C11orf97: variants seen among roughly 807,000 people sequenced by gnomAD.
The protein encoded by C11orf97 is uncharacterized protein C11orf97.
In C11orf97, 15 loss-of-function variants were observed where a neutral mutation model predicts 16.2. That is an observed-to-expected ratio of 0.93 (90% confidence interval 0.62 to 1.43). The LOEUF is 1.43. C11orf97 is among the 40% of genes most tolerant of loss of function. The pLI is 0.00. For missense variants in C11orf97, 171 were observed against 161.2 expected (o/e 1.06, Z -0.33); for synonymous variants, 61 against 65.7 (o/e 0.93, Z 0.34).
Position 94,512,631 on chromosome 11 carries a change from C to T in C11orf97, c.103C>T (p.Arg35Cys), listed in dbSNP as rs1173930164. ...GCCAGCAGGGCTGGGGTGCGGGGCG[C>T]GCGGGGAACCCGGCCGCGGCCCCCT... ...PPPAGLGCGA[R>C]GEPGRGPLEH... Residue 35 changes from arginine to cysteine, a missense_variant, in exon 1 of 4, where the codon CGC (arginine) becomes TGC (cysteine). Physicochemically the swap from Arg to Cys is radical, Grantham distance 180. Coordinates refer to ENST00000542198, the MANE Select transcript of C11orf97 (RefSeq NM_001190462.2). The T allele has an allele frequency of 8.0e-7, 1 of 1,255,162 alleles. No individual in the cohort carries two copies. The highest frequency in any genetic ancestry group is 1.0e-6 in the Non-Finnish European group (1 of 999,036). 77.8% of individuals were successfully genotyped at this position (1,255,162 alleles called of 1,614,324 possible).
chr11:94,521,017 T>C (rs1947653539), intron 2 of C11orf97, among the ~76,000 whole-genome samples: 1 of 152,190 alleles, frequency 6.6e-6, no homozygotes. Context: ...TTCTTGACAT[T>C]CTGGAATGTG....
chr11:94,524,219 AT>A (rs1441925082), intron 2 of C11orf97, among the ~76,000 whole-genome samples: 4 of 152,138 alleles, frequency 2.6e-5, no homozygotes, highest in African/African-American at 9.7e-5. Context: ...TGCTCTTTTA[AT>A]TCACATTTTG....
rs12276944 is a variant in C11orf97, at chr11:94,517,137, G to A, written c.146-446G>A. ...TTCAGTTTCAATCTTTTAAAATGTC[G>A]ATTTTAAAATGCTGAGATTTTGTTC... On this transcript the variant is annotated intron_variant, in intron 1 of 3. Coordinates refer to ENST00000542198, the MANE Select transcript of C11orf97 (RefSeq NM_001190462.2). Among the ~76,000 whole-genome samples the A allele has an allele frequency of 9.6e-3, 1,467 of 152,238 alleles. 24 individuals are homozygous for A. Among genetic ancestry groups the A allele is most frequent in the African/African-American group, 0.032 (1,349 of 41,514 alleles).
chr11:94,518,401 A>T (rs1947630976), intron 2 of C11orf97, among the ~76,000 whole-genome samples: 1 of 114,180 alleles, frequency 8.8e-6, no homozygotes, highest in Non-Finnish European at 1.9e-5. Context: ...TTGGCACAGT[A>T]TGTCTGCAGT....
At chr11:94,518,104 C>T (rs180999135) in intron 2 of C11orf97, among the ~76,000 whole-genome samples, 32 of 143,874 alleles carry the variant, frequency 2.2e-4, no homozygotes, top group South Asian at 4.3e-4. Flanking sequence ...GCCAAGATCG[C>T]GCCACTGTAC....
intron 2 of C11orf97, 58 bp downstream of exon 2, chr11:94,517,745 A>G (rs1396817403): frequency 2.6e-6 from 3 of 1,135,456 alleles, no homozygotes; most frequent in Non-Finnish European, 2.4e-6. Flanking sequence ...TGCCTACTTG[A>G]TGACAGAGTA....
chr11:94,525,110 G>C (rs978141838), intron 2 of C11orf97, among the ~76,000 whole-genome samples: 1 of 151,592 alleles, frequency 6.6e-6, no homozygotes, highest in Non-Finnish European at 1.5e-5. Flanking sequence ...GTAGGCTTAT[G>C]AGACATTCAT....
At chr11:94,517,023 C>T (rs1417610799) in intron 1 of C11orf97, among the ~76,000 whole-genome samples, 8 of 152,218 alleles carry the variant, frequency 5.3e-5, no homozygotes, top group Admixed American at 5.2e-4. Flanking sequence ...ACAAACAATT[C>T]AGTCCTTGAC....
At chr11:94,529,754 T>C (rs974338784) in intron 3 of C11orf97, among the ~76,000 whole-genome samples, 8 of 152,204 alleles carry the variant, frequency 5.3e-5, no homozygotes, top group Admixed American at 1.3e-4. Context: ...AGTTGTTGTG[T>C]TGCGGTTAAA....
intron 2 of C11orf97, among the ~76,000 whole-genome samples, chr11:94,520,050 G>T (rs879711165): frequency 3.9e-5 from 6 of 152,180 alleles, no homozygotes; most frequent in Non-Finnish European, 8.8e-5. Context: ...TCCTATAGCT[G>T]CTATTTTTAA....
At chr11:94,519,247 G>A (rs1396502708) in intron 2 of C11orf97, among the ~76,000 whole-genome samples, 1 of 151,972 alleles carries the variant, frequency 6.6e-6, no homozygotes, top group Non-Finnish European at 1.5e-5. Context: ...AACTCCTTTG[G>A]GTCTTCTCGT....
intron 1 of C11orf97, among the ~76,000 whole-genome samples, chr11:94,513,011 G>GTGTA (rs1947582262): frequency 2.6e-5 from 4 of 152,090 alleles, no homozygotes; most frequent in African/African-American, 4.8e-5. Context: ...ATATGTATAT[G>GTGTA]TGTATGTATG....
chr11:94,531,902 A>G lies in C11orf97; in HGVS notation c.*2A>G. On this transcript the variant is annotated 3_prime_UTR_variant, in exon 4 of 4. Coordinates refer to ENST00000542198, the MANE Select transcript of C11orf97 (RefSeq NM_001190462.2). ...CTTTTTTTTTTAACTCTAGGATAAG[A>G]TGAATTAGATTTTCCATTAAGAAGG... 6.8e-7 allele frequency: 1 copy of G among 1,468,548 alleles called. No homozygotes were observed. The highest frequency in any genetic ancestry group is 9.0e-7 in the Non-Finnish European group (1 of 1,112,586). 91.0% of individuals were successfully genotyped at this position (1,468,548 alleles called of 1,614,324 possible). A position where few individuals can be genotyped will look rare whatever the true frequency, so the allele number is the denominator to read the frequency against.
In C11orf97 at chr11:94,517,688, G is replaced by A; in HGVS notation, c.250+1G>A. ...TGCCACATTAAAAATCCAGCTGCAG[G>A]TAATCTCAGTGACAAATGAAGTATG... is the stretch of plus-strand genomic sequence containing the variant. On this transcript the variant is annotated splice_donor_variant, in intron 2 of 3. Coordinates refer to ENST00000542198, the MANE Select transcript of C11orf97 (RefSeq NM_001190462.2). LOFTEE classifies it high-confidence loss of function. 6.6e-7 allele frequency: 1 copy of A among 1,508,572 alleles called. No homozygotes were observed. The highest frequency in any genetic ancestry group is 2.5e-5 in the East Asian group (1 of 40,320). 93.4% of individuals were successfully genotyped at this position (1,508,572 alleles called of 1,614,324 possible). A position where few individuals can be genotyped will look rare whatever the true frequency, so the allele number is the denominator to read the frequency against.
intron 1 of C11orf97, 69 bp downstream of exon 1, chr11:94,512,742 G>C (rs1470305598): frequency 2.4e-6 from 3 of 1,230,408 alleles, no homozygotes; most frequent in East Asian, 6.3e-5. Context: ...AGGGCAATTG[G>C]GGGAAACCGC....
intron 2 of C11orf97, 25 bp downstream of exon 2, chr11:94,517,712 T>A: frequency 7.0e-7 from 1 of 1,420,528 alleles, no homozygotes; most frequent in Non-Finnish European, 9.5e-7. Flanking sequence ...AAATGAAGTA[T>A]GTTTGTGAAA....
intron 2 of C11orf97, among the ~76,000 whole-genome samples, chr11:94,522,476 G>A (rs1157786491): frequency 1.3e-5 from 2 of 152,188 alleles, no homozygotes; most frequent in African/African-American, 4.8e-5. Context: ...GGTGGAGCTT[G>A]CAGTGAGCCG....
chr11:94,531,813 A>C, intron 3 of C11orf97, 83 bp from the exon 4 acceptor site: 1 of 1,171,884 alleles, frequency 8.5e-7, no homozygotes, highest in Non-Finnish European at 1.1e-6. Context: ...ACATTAAGTC[A>C]AATTTAGATT....
intron 2 of C11orf97, among the ~76,000 whole-genome samples, chr11:94,518,015 G>T (rs1344120543): frequency 6.6e-6 from 1 of 152,050 alleles, no homozygotes; most frequent in Non-Finnish European, 1.5e-5. Flanking sequence ...CGGGTATGGT[G>T]GCGGGCACCT....
Sources: gnomAD v4.1 joint callset for allele counts (sites outside exome capture counted in the v4.1 genomes callset) on GRCh38, gnomAD v4.1.1 for gene constraint, MANE v1.5 for transcripts, NCBI Gene and HGNC (gene_info 2026-07-23, HGNC 2026-07-21) for gene names.